The following LOXHD1 variants were observed in gnomAD, a reference collection of about 807,000 sequenced individuals.
LOXHD1 encodes the protein lipoxygenase homology PLAT domains 1, also known as lipoxygenase homology domain-containing protein 1.
Under a neutral mutation model 248.2 loss-of-function variants are expected in LOXHD1, and 205 were observed. That is an observed-to-expected ratio of 0.83 (90% CI 0.74 to 0.93). The LOEUF (loss-of-function observed/expected upper bound fraction) is 0.93, where lower values mean the gene tolerates loss of function less well. Among genes scored for constraint, LOXHD1 ranks in the 40% least tolerant of loss-of-function variants. The probability of loss-of-function intolerance (pLI) is 0.00; values close to 1 mark genes in which losing one functional copy is unlikely to be tolerated. For synonymous variants in LOXHD1, 1,113 were observed against 1,162.8 expected (o/e 0.96, Z 0.87); for missense variants, 2,930 against 2,971.6 (o/e 0.99, Z 0.33).
chr18:46,547,062 T>TG lies in LOXHD1; in HGVS notation c.3351-5dup, dbSNP rs1568169284. The TG allele has an allele frequency of 1.3e-6, 2 of 1,551,576 alleles. No individual in the cohort carries two copies. Among genetic ancestry groups the TG allele is most frequent in the Admixed American group, 2.0e-5 (1 of 50,986 alleles). On this transcript the variant is annotated splice_region_variant and splice_polypyrimidine_tract_variant and intron_variant, in intron 21 of 40. Transcript: ENST00000642948. ...ACGTTGGCATGGAAAGTAGTACCTG[T>TG]GGGGGTGGATAGGGAAAGATTGGAA... is the stretch of plus-strand genomic sequence containing the variant.
Position 46,477,298 on chromosome 18 carries a change from C to G in LOXHD1, c.*174G>C. 1 of 857,662 alleles carries G rather than the reference C, an allele frequency of 1.2e-6. No homozygotes were observed. Among genetic ancestry groups the G allele is most frequent in the East Asian group, 2.6e-5 (1 of 37,914 alleles). The allele number at this position is 857,662 out of a possible 1,614,324, so 53.1% of individuals were successfully genotyped here. A position where few individuals can be genotyped will look rare whatever the true frequency, so the allele number is the denominator to read the frequency against. On this transcript the variant is annotated 3_prime_UTR_variant, in exon 41 of 41. Coordinates refer to ENST00000642948, the MANE Select transcript of LOXHD1 (RefSeq NM_001384474.1). ...TTATGACACATGCTAATTATTATCA[C>G]TGTAGGTTCAATAAACTGGGGGTAG...
At chr18:46,552,764 A>G (rs1312899894) in intron 21 of LOXHD1, among the ~76,000 whole-genome samples, 1 of 152,094 alleles carries the variant, frequency 6.6e-6, no homozygotes, top group African/African-American at 2.4e-5. Context: ...TGTGTTTTCA[A>G]GCTCCTCAGC....
chr18:46,603,632 T>C (rs973015953), intron 7 of LOXHD1, among the ~76,000 whole-genome samples: 1 of 152,188 alleles, frequency 6.6e-6, no homozygotes, highest in Non-Finnish European at 1.5e-5. Flanking sequence ...GCCAGCTGTG[T>C]GCCCTTGGAC....
At chr18:46,524,067 A>G (rs1397352005) in intron 31 of LOXHD1, among the ~76,000 whole-genome samples, 3 of 152,204 alleles carry the variant, frequency 2.0e-5, no homozygotes, top group Non-Finnish European at 4.4e-5. Flanking sequence ...TGGCTTGTCC[A>G]AGGCCACACA....
At chr18:46,606,757 G>A (rs996187375) in intron 6 of LOXHD1, among the ~76,000 whole-genome samples, 12 of 152,002 alleles carry the variant, frequency 7.9e-5, no homozygotes, top group African/African-American at 2.9e-4. Flanking sequence ...ATAATATACA[G>A]TATATAGCAT....
intron 4 of LOXHD1, among the ~76,000 whole-genome samples, chr18:46,625,087 A>G (rs138254989): frequency 6.6e-6 from 1 of 152,296 alleles, no homozygotes; most frequent in Non-Finnish European, 1.5e-5. Context: ...TCACACAATT[A>G]GAAAGGGTGC....
chr18:46,553,300 T>C (rs1460147502), intron 21 of LOXHD1, among the ~76,000 whole-genome samples: 1 of 152,212 alleles, frequency 6.6e-6, no homozygotes, highest in African/African-American at 2.4e-5. Context: ...CTAGTCCTCA[T>C]GATGATTTCC....
At chr18:46,530,963 C>T (rs910042366) in intron 28 of LOXHD1, among the ~76,000 whole-genome samples, 3 of 152,170 alleles carry the variant, frequency 2.0e-5, no homozygotes, top group Non-Finnish European at 2.9e-5. Flanking sequence ...TCCTTTGCTT[C>T]GGATCCGCAC....
chr18:46,655,324 A>G (rs558139383), intron 1 of LOXHD1, among the ~76,000 whole-genome samples: 10 of 152,324 alleles, frequency 6.6e-5, no homozygotes, highest in African/African-American at 2.4e-4. Context: ...ACATGAGAAC[A>G]TTAGTAAAAA....
chr18:46,576,789 G>A (rs903611855), intron 14 of LOXHD1, among the ~76,000 whole-genome samples: 6 of 152,184 alleles, frequency 3.9e-5, no homozygotes, highest in African/African-American at 9.7e-5. Flanking sequence ...CTGGGTTGGT[G>A]GGGTGCTAAG....
At chr18:46,575,655 C>T (rs1039690883) in intron 14 of LOXHD1, among the ~76,000 whole-genome samples, 13 of 152,138 alleles carry the variant, frequency 8.5e-5, no homozygotes, top group Non-Finnish European at 1.8e-4. Flanking sequence ...GGGTCAGATC[C>T]TTCCCTAGCG....
Position 46,601,320 on chromosome 18 carries a change from G to C in LOXHD1, c.1031C>G (p.Thr344Arg). 1 of 1,551,684 alleles carries C rather than the reference G, an allele frequency of 6.4e-7. No individual in the cohort carries two copies. Among genetic ancestry groups the C allele is most frequent in the Non-Finnish European group, 8.7e-7 (1 of 1,146,994 alleles). ...LEGGVFDRGR[T>R]DIFHIELAVL... Reference sequence around the variant, plus strand: ...AGCCAGCTCGATGTGGAAGATGTCCGTGCGGCCTCGGTCAAACACGCCGCC... The same window carrying C: ...AGCCAGCTCGATGTGGAAGATGTCCCTGCGGCCTCGGTCAAACACGCCGCC... The change falls in exon 8 of 41, where the codon ACG becomes AGG. Residue 344 changes from threonine (T) to arginine (R), a missense_variant. Thr to Arg is a moderately conservative substitution (Grantham distance 71). Coordinates refer to ENST00000642948, the MANE Select transcript of LOXHD1 (RefSeq NM_001384474.1).
At chr18:46,509,254 A>T (rs1263823652) in intron 35 of LOXHD1, among the ~76,000 whole-genome samples, 1 of 152,120 alleles carries the variant, frequency 6.6e-6, no homozygotes, top group East Asian at 1.9e-4. Context: ...TCAGACTCAG[A>T]GGCCCACAAT....
intron 7 of LOXHD1, among the ~76,000 whole-genome samples, chr18:46,602,800 C>T (rs944369872): frequency 7.2e-5 from 11 of 151,930 alleles, no homozygotes; most frequent in African/African-American, 2.7e-4. Flanking sequence ...AAATAGGTCT[C>T]GAGCTTTATT....
chr18:46,534,580 A>G lies in LOXHD1; in HGVS notation c.4096-129T>C, dbSNP rs1208243009. 5.7e-6 allele frequency: 4 copies of G among 707,032 alleles called. No individual in the cohort carries two copies. In the Admixed American group the frequency reaches 8.2e-5, roughly 14 times the overall value. The allele number at this position is 707,032 out of a possible 1,614,324, so 43.8% of individuals were successfully genotyped here. A position where few individuals can be genotyped will look rare whatever the true frequency, so the allele number is the denominator to read the frequency against. On this transcript the variant is annotated intron_variant, in intron 26 of 40. Coordinates refer to ENST00000642948, the MANE Select transcript of LOXHD1 (RefSeq NM_001384474.1). ...CATTTCCTCCTGATACGTCTCCACT[A>G]TCCAGCCAGGCCAGCTCCCATTGTC...
intron 37 of LOXHD1, among the ~76,000 whole-genome samples, chr18:46,501,243 A>G (rs1409266805): frequency 6.6e-6 from 1 of 152,236 alleles, no homozygotes; most frequent in Non-Finnish European, 1.5e-5. Flanking sequence ...GTGGCAAAAA[A>G]TTTTAGTTGC....
At chr18:46,533,140 A>G (rs988899812) in intron 28 of LOXHD1, 22 bp downstream of exon 28, 4 of 1,551,110 alleles carry the variant, frequency 2.6e-6, no homozygotes, top group Middle Eastern at 1.7e-4. Context: ...CATGGTGATG[A>G]GGGTGGCCAC....
intron 21 of LOXHD1, among the ~76,000 whole-genome samples, chr18:46,549,397 A>T (rs539553435): frequency 9.2e-5 from 14 of 152,376 alleles, no homozygotes; most frequent in African/African-American, 3.4e-4. Flanking sequence ...ATAATTTCAT[A>T]CAGAATTTTC....
intron 9 of LOXHD1, among the ~76,000 whole-genome samples, chr18:46,593,986 G>T (rs548369045): frequency 6.6e-6 from 1 of 152,256 alleles, no homozygotes; most frequent in African/African-American, 2.4e-5. Flanking sequence ...AAGTGTATTC[G>T]TATGTTTTAA....
Sources: gnomAD v4.1 joint callset for allele counts (sites outside exome capture counted in the v4.1 genomes callset) on GRCh38, gnomAD v4.1.1 for gene constraint, MANE v1.5 for transcripts, NCBI Gene and HGNC (gene_info 2026-07-23, HGNC 2026-07-21) for gene names.